The following RYR1 variants were observed in gnomAD, a reference collection of about 807,000 sequenced individuals.
RYR1 encodes central core disease of muscle.
A neutral mutation model predicts 583.5 loss-of-function variants in RYR1; 342 were observed. The ratio of observed to expected loss-of-function variants is 0.59; its 90% CI spans 0.54 to 0.64. The LOEUF (loss-of-function observed/expected upper bound fraction) is 0.64. Ranked by LOEUF, RYR1 falls within the 30% of genes least tolerant of loss-of-function variation. The pLI, the probability that RYR1 is intolerant of heterozygous loss-of-function variation, is 0.00. For missense variants in RYR1, 6,032 were observed against 6,917.2 expected (o/e 0.87, Z 4.54); for synonymous variants, 2,791 against 2,822.5 (o/e 0.99, Z 0.35).
rs781473573 is a variant in RYR1 at position 38,483,939 on chromosome 19, A to G, written c.4934+423A>G. Among the ~76,000 whole-genome samples, 6 of 151,918 alleles carry G rather than the reference A, an allele frequency of 3.9e-5. No homozygotes were observed. Among genetic ancestry groups the G allele is most frequent in the Non-Finnish European group, 7.4e-5 (5 of 67,954 alleles). On this transcript the variant is annotated intron_variant, in intron 33 of 105. Coordinates refer to ENST00000359596, the MANE Select transcript of RYR1 (RefSeq NM_000540.3). This position sits in a 1 kb window ranked among gnomAD's most constrained non-coding sequence, Gnocchi z 6.3. ...TGGGCATATGCAGGGAGGCTTTAAG[A>G]AGAATCCCGTGGATATTTCAAACCC...
At chr19:38,569,054 A>G (rs1490741004) in intron 93 of RYR1, among the ~76,000 whole-genome samples, 1 of 151,242 alleles carries the variant, frequency 6.6e-6, no homozygotes, top group Non-Finnish European at 1.5e-5. Context: ...TCTGTTGCCC[A>G]GGTTGGAGTG....
Position 38,483,601 on chromosome 19 carries a change from A to T in RYR1, c.4934+85A>T, listed in dbSNP as rs1369726239. Reference sequence around the variant, plus strand: ...GTCCCACTCAGTGCCCCTCCTCAACACAACCCCGGGATTCCAGACTACACC... The same window carrying T: ...GTCCCACTCAGTGCCCCTCCTCAACTCAACCCCGGGATTCCAGACTACACC... On this transcript the variant is annotated intron_variant, in intron 33 of 105. Transcript: ENST00000359596. The surrounding 1 kb of genome is among the most constrained non-coding windows in gnomAD (Gnocchi z 6.3). 2 of 1,221,968 alleles carry T rather than the reference A, an allele frequency of 1.6e-6. No homozygotes were observed. The highest frequency in any genetic ancestry group is 2.3e-6 in the Non-Finnish European group (2 of 865,616). The allele number at this position is 1,221,968 out of a possible 1,614,324, so 75.7% of individuals were successfully genotyped here.
At chr19:38,451,475 T>G (rs374568740) in intron 11 of RYR1, among the ~76,000 whole-genome samples, 1 of 150,090 alleles carries the variant, frequency 6.7e-6, no homozygotes, top group Admixed American at 6.6e-5. Context: ...AGGAAGGAGA[T>G]AGGGATAGAG....
At chr19:38,560,289 G>A (rs1349198819) in intron 89 of RYR1, among the ~76,000 whole-genome samples, 2 of 152,114 alleles carry the variant, frequency 1.3e-5, no homozygotes, top group African/African-American at 4.8e-5. Flanking sequence ...TTTGACCCTG[G>A]GAGGTGGAGG....
chr19:38,445,222 CAAAAAAAA>C (rs61419525), intron 7 of RYR1, among the ~76,000 whole-genome samples: 12 of 48,176 alleles, frequency 2.5e-4, no homozygotes, highest in Non-Finnish European at 3.8e-4. Context: ...GACTCTGCCT[CAAAAAAAA>C]AAAAAAAAAA....
At chr19:38,436,056 G>A (rs1428335823) in intron 1 of RYR1, among the ~76,000 whole-genome samples, 2 of 151,118 alleles carry the variant, frequency 1.3e-5, no homozygotes, top group African/African-American at 2.4e-5. Flanking sequence ...TTACAGGCGC[G>A]TGCCACCAAG....
chr19:38,581,820 C>T (rs1974225596), intron 101 of RYR1, among the ~76,000 whole-genome samples: 1 of 150,988 alleles, frequency 6.6e-6, no homozygotes, highest in South Asian at 2.1e-4. Context: ...GTTGGCCAGG[C>T]TTGTCTCGAA....
At chr19:38,520,907 G>C in intron 67 of RYR1, among the ~76,000 whole-genome samples, 1 of 151,898 alleles carries the variant, frequency 6.6e-6, no homozygotes, top group East Asian at 1.9e-4. Flanking sequence ...AATGTTAGGT[G>C]GAATGAAAGA....
chr19:38,440,775 A>C lies in RYR1; in HGVS notation c.76A>C (p.Thr26Pro), dbSNP rs1972635177. Residue 26 changes from threonine to proline, a missense_variant, in exon 2 of 106, where the codon ACC becomes CCC. By Grantham distance (38) the Thr-to-Pro change is conservative. Around this residue, in one of 11 missense-constraint regions of RYR1, gnomAD observed 71 missense variants for 75.3 expected, o/e 0.94. Transcript: ENST00000359596. ...DDEVVLQCSA[T>P]VLKEQLKLCL... is the part of the protein sequence containing the mutation. ...TGAGGTGGTCCTGCAGTGCAGCGCT[A>C]CCGTGCTCAAGGAGCAGCTCAAGCT... is the stretch of plus-strand genomic sequence containing the variant. 5 of 1,609,022 alleles carry C rather than the reference A, an allele frequency of 3.1e-6. No homozygotes were observed. The highest frequency in any genetic ancestry group is 1.9e-4 in the Middle Eastern group (1 of 5,318).
At position 38,580,504 on chromosome 19, in the gene RYR1, G is replaced by C; in HGVS notation, c.14646G>C (p.Thr4882=). The C allele has an allele frequency of 6.2e-7, 1 of 1,614,006 alleles. No individual in the cohort carries two copies. The highest frequency in any genetic ancestry group is 8.5e-7 in the Non-Finnish European group (1 of 1,179,984). The change falls in exon 101 of 106, where the codon ACG becomes ACC. Residue 4882 remains threonine, a splice_region_variant and synonymous_variant. Transcript: ENST00000359596. ...ACATGAAGTGTGATGACATGATGACGGTGAGCCCCTCCCCTAGCACTCTGG... is the reference window on the plus strand; with the variant it reads ...ACATGAAGTGTGATGACATGATGACCGTGAGCCCCTCCCCTAGCACTCTGG... ...EPDMKCDDMM[T]CYLFHMYVGV... is the part of the protein sequence containing the mutation.
In RYR1 at chr19:38,494,547, A is replaced by T. The variant is rs761629512; in HGVS notation, c.6470A>T (p.Glu2157Val). 6.2e-6 allele frequency: 10 copies of T among 1,614,104 alleles called. No homozygotes were observed. The highest frequency in any genetic ancestry group is 8.5e-6 in the Non-Finnish European group (10 of 1,180,036). Residue 2157 changes from glutamate to valine, a missense_variant, in exon 39 of 106, where the codon GAG becomes GTG. Transcript: ENST00000359596. ...SSVEDTMSLLECLGQIRSLLI... is the reference protein window; with the variant it reads ...SSVEDTMSLLVCLGQIRSLLI... ...GTGGAAGACACCATGAGCCTGCTCG[A>T]GTGCCTCGGCCAGATCCGCTCGCTG...
chr19:38,575,379 C>G (rs1653128148), intron 96 of RYR1, among the ~76,000 whole-genome samples: 1 of 152,122 alleles, frequency 6.6e-6, no homozygotes, highest in South Asian at 2.1e-4. Context: ...AGCAGTGGAG[C>G]CAGGCGCAGG....
At chr19:38,505,491 A>C (rs1970403353) in intron 53 of RYR1, 93 bp downstream of exon 53, 1 of 921,016 alleles carries the variant, frequency 1.1e-6, no homozygotes, top group Non-Finnish European at 1.7e-6. Context: ...ACATGTTTGC[A>C]TCTAGGTGGA....
At chr19:38,525,553 C>T in intron 71 of RYR1, 51 bp downstream of exon 71, 1 of 1,587,148 alleles carries the variant, frequency 6.3e-7, no homozygotes. Context: ...GCCCAGCACC[C>T]ACTGAACCCC....
At chr19:38,582,628 G>C (rs755249869) in intron 101 of RYR1, among the ~76,000 whole-genome samples, 1 of 152,066 alleles carries the variant, frequency 6.6e-6, no homozygotes, top group Non-Finnish European at 1.5e-5. Context: ...TCCAGCCTGG[G>C]TAACACATTG....
chr19:38,447,735 G>C (rs1479523832), intron 9 of RYR1, among the ~76,000 whole-genome samples: 2 of 151,596 alleles, frequency 1.3e-5, no homozygotes, highest in South Asian at 2.1e-4. Context: ...CCAGCTTCTC[G>C]GGAGGCTGAG....
In RYR1 at chr19:38,500,899, G is replaced by A. The variant is rs193922818; in HGVS notation, c.7523G>A (p.Arg2508His). Residue 2508 changes from arginine to histidine, a missense_variant, in exon 47 of 106, where the codon CGT becomes CAT. Arg to His is a conservative substitution (Grantham distance 29). Coordinates refer to ENST00000359596, the MANE Select transcript of RYR1 (RefSeq NM_000540.3). The surrounding 1 kb of genome is among the most constrained non-coding windows in gnomAD (Gnocchi z 5.9). ...HKASMVLFLD[R>H]VYGIENQDFL... ...GCGTCCATGGTGCTCTTCCTGGACC[G>A]TGTGTATGGCATCGAGAACCAGGAC... 6.2e-7 allele frequency: 1 copy of A among 1,613,094 alleles called. No homozygotes were observed.
chr19:38,578,403 A>C (rs1264226914), intron 99 of RYR1, among the ~76,000 whole-genome samples, 199 bp downstream of exon 99: 3 of 152,064 alleles, frequency 2.0e-5, no homozygotes, highest in African/African-American at 7.2e-5. Flanking sequence ...TTTTTTTTAA[A>C]TAGCTGGGAT....
chr19:38,585,395 T>G (rs1974434043), intron 102 of RYR1, among the ~76,000 whole-genome samples: 1 of 145,198 alleles, frequency 6.9e-6, no homozygotes, highest in African/African-American at 2.5e-5. Flanking sequence ...TATGTTTATT[T>G]ATATATATAT....
Sources: allele counts gnomAD v4.1 joint callset (sites outside exome capture counted in the v4.1 genomes callset), GRCh38; gene constraint gnomAD v4.1.1; regional missense constraint gnomAD v4.1.1; non-coding constraint Gnocchi (gnomAD v3.1); transcripts MANE v1.5; gene names NCBI Gene and HGNC (gene_info 2026-07-23, HGNC 2026-07-21).